The following TAFA2 variants were observed in gnomAD, a reference collection of about 807,000 sequenced individuals.
TAFA2 encodes the protein TAFA chemokine like family member 2.
In TAFA2, 7 loss-of-function variants were observed where a neutral mutation model predicts 18.8. That is an observed-to-expected ratio of 0.37 (90% CI 0.21 to 0.70). The LOEUF is 0.70. TAFA2 is among the 30% of genes least tolerant of loss of function. TAFA2 has a pLI of 0.53. For synonymous variants in TAFA2, 60 were observed against 54.2 expected, an observed-to-expected ratio of 1.11 and a Z score of -0.47; for missense variants, 122 against 158.1, an observed-to-expected ratio of 0.77 and a Z score of 1.23.
At chr12:61,715,830 T>C (rs1342692730) in intron 4 of TAFA2, among the ~76,000 whole-genome samples, 1 of 151,978 alleles carries the variant, frequency 6.6e-6, no homozygotes, top group Non-Finnish European at 1.5e-5. Context: ...ACAGGGAGGA[T>C]TGCTTGAGCC....
intron 1 of TAFA2, among the ~76,000 whole-genome samples, chr12:62,067,874 A>G (rs1882531189): frequency 6.6e-6 from 1 of 151,994 alleles, no homozygotes. Context: ...TCACAATTAG[A>G]TTTGCATTTG....
chr12:61,856,974 T>G (rs979211233), intron 2 of TAFA2, among the ~76,000 whole-genome samples: 2 of 151,736 alleles, frequency 1.3e-5, no homozygotes, highest in Non-Finnish European at 2.9e-5. Context: ...TACAGTATAG[T>G]CTTAATATGA....
chr12:62,055,533 T>C (rs1465322489), intron 1 of TAFA2, among the ~76,000 whole-genome samples: 1 of 152,198 alleles, frequency 6.6e-6, no homozygotes, highest in Non-Finnish European at 1.5e-5. Context: ...CAATTACTAT[T>C]GTGCCACCAT....
At chr12:61,851,515 G>T (rs1364589265) in intron 2 of TAFA2, among the ~76,000 whole-genome samples, 1 of 151,936 alleles carries the variant, frequency 6.6e-6, no homozygotes, top group Non-Finnish European at 1.5e-5. Flanking sequence ...GGTGGCTCAC[G>T]CCTGCAATCC....
At chr12:62,003,860 G>T (rs1278723984) in intron 1 of TAFA2, among the ~76,000 whole-genome samples, 2 of 152,132 alleles carry the variant, frequency 1.3e-5, no homozygotes, top group African/African-American at 4.8e-5. Flanking sequence ...TTCAAAAGAA[G>T]CAGAACCAGA....
intron 2 of TAFA2, among the ~76,000 whole-genome samples, chr12:61,834,102 T>C (rs1386398429): frequency 6.6e-6 from 1 of 152,062 alleles, no homozygotes; most frequent in African/African-American, 2.4e-5. Flanking sequence ...ATTGTGTTTA[T>C]TCCATGTACC....
intron 1 of TAFA2, among the ~76,000 whole-genome samples, chr12:62,216,508 T>C (rs1463358044): frequency 1.3e-5 from 2 of 152,106 alleles, no homozygotes; most frequent in Non-Finnish European, 2.9e-5. Flanking sequence ...GCAAGGACCC[T>C]ACAAAAAACA....
Position 61,999,283 on chromosome 12 carries a change from A to G in TAFA2, c.-1-131857T>C, listed in dbSNP as rs542314456. ...CATGCAATAGCCTCAGCACAATACAATTAGCTGACTTTGTTATAAACAATG... is the reference window on the plus strand; with the variant it reads ...CATGCAATAGCCTCAGCACAATACAGTTAGCTGACTTTGTTATAAACAATG... On this transcript the variant is annotated intron_variant, in intron 1 of 4. Transcript: ENST00000416284. Among the ~76,000 whole-genome samples, 183 of 152,298 alleles carry G rather than the reference A, an allele frequency of 1.2e-3. 1 individual carries two copies. The highest frequency in any genetic ancestry group is 8.9e-3 in the South Asian group (43 of 4,828).
In TAFA2 at chr12:61,872,438, C is replaced by T. The variant is rs758873243; in HGVS notation, c.-1-5012G>A. Reference sequence around the variant, plus strand: ...AAAAATTCGCCCTTAGGGTAGAATGCGCGGTGGATTAGTCACGTGCCCCTT... The same window carrying T: ...AAAAATTCGCCCTTAGGGTAGAATGTGCGGTGGATTAGTCACGTGCCCCTT... On this transcript the variant is annotated intron_variant, in intron 1 of 4. Coordinates refer to ENST00000416284, the MANE Select transcript of TAFA2 (RefSeq NM_178539.5). Among the ~76,000 whole-genome samples, 8 of 152,110 alleles carry T rather than the reference C, an allele frequency of 5.3e-5. No individual in the cohort carries two copies. In the East Asian group the frequency reaches 7.7e-4, roughly 15 times the overall value.
At chr12:61,909,880 T>G (rs1238957203) in intron 1 of TAFA2, among the ~76,000 whole-genome samples, 2 of 152,168 alleles carry the variant, frequency 1.3e-5, no homozygotes, top group East Asian at 3.8e-4. Context: ...TCTAGGCTAC[T>G]AAAAGGAACA....
intron 1 of TAFA2, among the ~76,000 whole-genome samples, chr12:62,210,185 C>CTAAG (rs2062707819): frequency 6.9e-6 from 1 of 144,332 alleles, no homozygotes; most frequent in African/African-American, 2.6e-5. Context: ...GACTCTGTCT[C>CTAAG]TAAATAAATA....
chr12:61,892,537 T>C (rs1158235885), intron 1 of TAFA2, among the ~76,000 whole-genome samples: 1 of 152,224 alleles, frequency 6.6e-6, no homozygotes, highest in African/African-American at 2.4e-5. Context: ...AGGACATACC[T>C]ATACTAAAGT....
At chr12:61,802,247 C>T (rs1172004696) in intron 2 of TAFA2, among the ~76,000 whole-genome samples, 1 of 151,934 alleles carries the variant, frequency 6.6e-6, no homozygotes, top group African/African-American at 2.4e-5. Flanking sequence ...TCCAGCAATC[C>T]CTCTGTTGGG....
At chr12:62,199,071 A>G (rs1344080029) in intron 1 of TAFA2, among the ~76,000 whole-genome samples, 1 of 152,046 alleles carries the variant, frequency 6.6e-6, no homozygotes, top group Non-Finnish European at 1.5e-5. Context: ...ATTCTTCCCG[A>G]CTCGGTTGGG....
chr12:62,063,473 T>C (rs938633906), intron 1 of TAFA2, among the ~76,000 whole-genome samples: 4 of 152,210 alleles, frequency 2.6e-5, no homozygotes, highest in Admixed American at 6.5e-5. Context: ...ATAGTTTGGG[T>C]TAACCTTTAT....
chr12:62,081,893 A>T (rs768347183), intron 1 of TAFA2, among the ~76,000 whole-genome samples: 4 of 151,996 alleles, frequency 2.6e-5, no homozygotes, highest in Non-Finnish European at 5.9e-5. Context: ...CCCATCACCT[A>T]GGTATTAGGC....
chr12:62,250,942 C>T (rs1160223299), intron 1 of TAFA2, among the ~76,000 whole-genome samples: 1 of 133,496 alleles, frequency 7.5e-6, no homozygotes, highest in African/African-American at 2.5e-5. Flanking sequence ...CAGAGAGCAG[C>T]TGAGTCTCGC....
chr12:62,114,540 T>C (rs958118942), intron 1 of TAFA2, among the ~76,000 whole-genome samples: 3 of 152,230 alleles, frequency 2.0e-5, no homozygotes, highest in African/African-American at 7.2e-5. Context: ...GTCTCAATAA[T>C]TGATGATATT....
At chr12:61,714,828 T>A (rs1479591310) in intron 4 of TAFA2, among the ~76,000 whole-genome samples, 2 of 152,172 alleles carry the variant, frequency 1.3e-5, no homozygotes, top group Non-Finnish European at 2.9e-5. Flanking sequence ...AATTCCTTGT[T>A]CCCCCTGTTC....
Sources: allele counts gnomAD v4.1 joint callset (sites outside exome capture counted in the v4.1 genomes callset), GRCh38; gene constraint gnomAD v4.1.1; transcripts MANE v1.5; gene names NCBI Gene and HGNC (gene_info 2026-07-23, HGNC 2026-07-21).